ROR2: variants seen among roughly 807,000 people sequenced by gnomAD.
ROR2 encodes tyrosine-protein kinase transmembrane receptor ROR2.
Under a neutral mutation model 74.9 loss-of-function variants are expected in ROR2, and 33 were observed. The ratio of observed to expected loss-of-function variants is 0.44; its 90% confidence interval spans 0.33 to 0.59. The LOEUF is 0.59. Ranked by LOEUF, ROR2 falls within the 20% of genes least tolerant of loss-of-function variation. The pLI is 0.02. For missense variants in ROR2, 1,216 were observed against 1,313.8 expected (o/e 0.93, Z 1.15); for synonymous variants, 586 against 558.7 (o/e 1.05, Z -0.69).
Position 91,722,666 on chromosome 9 carries a change from G to A in ROR2, c.*996C>T, listed in dbSNP as rs181673474. 1.1e-4 allele frequency: 89 copies of A among 777,692 alleles called. No individual in the cohort carries two copies. Among genetic ancestry groups the A allele is most frequent in the Middle Eastern group, 2.3e-4 (1 of 4,440 alleles). The allele number at this position is 777,692 out of a possible 1,614,324, so 48.2% of individuals were successfully genotyped here. A position where few individuals can be genotyped will look rare whatever the true frequency, so the allele number is the denominator to read the frequency against. On this transcript the variant is annotated 3_prime_UTR_variant, in exon 9 of 9. Transcript: ENST00000375708. ...TACAAATAGGACCAACAATGTGTGC[G>A]GGGCACAGACGGCTGCCTGTGGGTC...
chr9:91,799,429 C>T lies in ROR2; in HGVS notation c.98-23611G>A, dbSNP rs1160041591. ...TCCAGCCCACCTTACATTCTCCCTG[C>T]GGGCTCTCAGCACGGAGGTGGCCAG... On this transcript the variant is annotated intron_variant, in intron 1 of 8. Coordinates refer to ENST00000375708, the MANE Select transcript of ROR2 (RefSeq NM_004560.4). 2.6e-5 allele frequency among the ~76,000 whole-genome samples: 4 copies of T among 152,298 alleles called. No homozygotes were observed. The East Asian group carries it at 5.8e-4, about 22-fold the overall frequency.
intron 1 of ROR2, among the ~76,000 whole-genome samples, chr9:91,902,478 C>A (rs1055714004): frequency 1.3e-5 from 2 of 152,042 alleles, no homozygotes; most frequent in Non-Finnish European, 2.9e-5. Flanking sequence ...ATCTCAAAAG[C>A]AGTTCCCGAT....
chr9:91,813,040 C>A lies in ROR2; in HGVS notation c.98-37222G>T, dbSNP rs1378669112. On this transcript the variant is annotated intron_variant, in intron 1 of 8. Transcript: ENST00000375708. Reference sequence around the variant, plus strand: ...GGCTAACCAAATGCAATCCTCCATACAAAGTTCATCATCATTGCCCACAAC... The same window carrying A: ...GGCTAACCAAATGCAATCCTCCATAAAAAGTTCATCATCATTGCCCACAAC... 4.6e-5 allele frequency among the ~76,000 whole-genome samples: 7 copies of A among 152,112 alleles called. No individual in the cohort carries two copies. The East Asian group carries it at 1.3e-3, about 29-fold the overall frequency.
intron 1 of ROR2, among the ~76,000 whole-genome samples, chr9:91,848,610 C>G (rs1377131297): frequency 6.6e-6 from 1 of 151,918 alleles, no homozygotes; most frequent in African/African-American, 2.4e-5. Context: ...CAAAATTAGC[C>G]AGGTGTGGTG....
intron 1 of ROR2, among the ~76,000 whole-genome samples, chr9:91,943,958 C>T (rs1182420992): frequency 6.6e-6 from 1 of 152,172 alleles, no homozygotes; most frequent in African/African-American, 2.4e-5. Flanking sequence ...TGTTAAAAGA[C>T]TGAAAGCTTT....
At chr9:91,894,200 C>G (rs1011429935) in intron 1 of ROR2, among the ~76,000 whole-genome samples, 1 of 152,182 alleles carries the variant, frequency 6.6e-6, no homozygotes, top group Non-Finnish European at 1.5e-5. Context: ...CTTGCTCCAG[C>G]CACGGGGCCT....
rs759984902 is a variant in ROR2 at position 91,775,735 on chromosome 9, G to A, written c.175+6C>T. The A allele has an allele frequency of 1.9e-6, 3 of 1,613,650 alleles. No homozygotes were observed. Among genetic ancestry groups the A allele is most frequent in the Non-Finnish European group, 2.5e-6 (3 of 1,179,590 alleles). ...ACATGGAGAGCACCTGCATGTCCCAGCTCACCTTTCAGAGTTGGAATCGGG... is the reference window on the plus strand; with the variant it reads ...ACATGGAGAGCACCTGCATGTCCCAACTCACCTTTCAGAGTTGGAATCGGG... On this transcript the variant is annotated splice_donor_region_variant and intron_variant, in intron 2 of 8. Coordinates refer to ENST00000375708, the MANE Select transcript of ROR2 (RefSeq NM_004560.4).
intron 2 of ROR2, among the ~76,000 whole-genome samples, chr9:91,764,391 A>AT (rs1324190993): frequency 6.6e-6 from 1 of 151,384 alleles, no homozygotes; most frequent in African/African-American, 2.4e-5. Flanking sequence ...ATTGCCTTTT[A>AT]TTTTTTCTTT....
chr9:91,729,089 T>TA (rs5899140), intron 7 of ROR2, among the ~76,000 whole-genome samples: 32,066 of 144,608 alleles, frequency 0.22, 3,700 homozygotes, highest in South Asian at 0.45. Flanking sequence ...CTACTCACTG[T>TA]AAAAAAAAAA....
At chr9:91,917,496 G>A (rs1438715953) in intron 1 of ROR2, among the ~76,000 whole-genome samples, 1 of 152,098 alleles carries the variant, frequency 6.6e-6, no homozygotes, top group Non-Finnish European at 1.5e-5. Context: ...GGCACCCCTG[G>A]GCCACACCCC....
At chr9:91,823,856 A>G (rs1828208105) in intron 1 of ROR2, among the ~76,000 whole-genome samples, 1 of 152,226 alleles carries the variant, frequency 6.6e-6, no homozygotes, top group African/African-American at 2.4e-5. Context: ...AGAGCTCCAA[A>G]TGCCCAAGGC....
At chr9:91,760,589 G>T (rs372758182) in intron 2 of ROR2, among the ~76,000 whole-genome samples, 1 of 150,708 alleles carries the variant, frequency 6.6e-6, no homozygotes, top group Non-Finnish European at 1.5e-5. Flanking sequence ...AGCCGAGATC[G>T]CGCCACTGCA....
At position 91,726,641 on chromosome 9, in the gene ROR2, C is replaced by A. The variant is rs745922319; in HGVS notation, c.1286G>T (p.Arg429Leu). 1.2e-6 allele frequency: 2 copies of A among 1,613,952 alleles called. No homozygotes were observed. The highest frequency in any genetic ancestry group is 3.3e-5 in the Admixed American group (2 of 59,996). Reference protein sequence around the residue: ...ACLFFLVCMCRNKQKASASTP... With the variant: ...ACLFFLVCMCLNKQKASASTP... ...GGACGCAGATGCCTTCTGCTTATTC[C>A]GGCACATGCAAACCAAGAAGAAAAG... is the stretch of plus-strand genomic sequence containing the variant. The change falls in exon 8 of 9, where the codon CGG becomes CTG. Residue 429 changes from arginine to leucine, a missense_variant. By Grantham distance (102) the Arg-to-Leu change is moderately radical. Coordinates refer to ENST00000375708, the MANE Select transcript of ROR2 (RefSeq NM_004560.4).
intron 1 of ROR2, among the ~76,000 whole-genome samples, chr9:91,889,245 C>T (rs948691859): frequency 2.0e-5 from 3 of 152,152 alleles, no homozygotes; most frequent in Admixed American, 6.5e-5. Context: ...GGACCCACTC[C>T]CAAGCCCTGA....
In ROR2 at chr9:91,806,803, A is replaced by C. The variant is rs189200771; in HGVS notation, c.98-30985T>G. 8.8e-3 allele frequency among the ~76,000 whole-genome samples: 1,339 copies of C among 152,166 alleles called. 26 individuals are homozygous for C. The highest frequency in any genetic ancestry group is 0.031 in the African/African-American group (1,269 of 41,522). On this transcript the variant is annotated intron_variant, in intron 1 of 8. Transcript: ENST00000375708. ...ACGGGGTTTCACCGTGTTAGCCAGG[A>C]TGGTCTCGATCTCCTGACCTTGTGA...
intron 1 of ROR2, among the ~76,000 whole-genome samples, chr9:91,789,617 T>C (rs1343926897): frequency 6.6e-6 from 1 of 152,176 alleles, no homozygotes; most frequent in African/African-American, 2.4e-5. Context: ...AAAATTAAGT[T>C]AGTACTAATC....
At chr9:91,922,921 G>A (rs1278856685) in intron 1 of ROR2, among the ~76,000 whole-genome samples, 1 of 151,808 alleles carries the variant, frequency 6.6e-6, no homozygotes, top group Non-Finnish European at 1.5e-5. Context: ...GGGGCAGCCT[G>A]CCTCTCAAAG....
At chr9:91,745,075 G>A (rs1564246548) in intron 4 of ROR2, among the ~76,000 whole-genome samples, 1 of 152,080 alleles carries the variant, frequency 6.6e-6, no homozygotes, top group South Asian at 2.1e-4. Context: ...TTGTTGAAAT[G>A]CAAATATCCT....
At chr9:91,908,928 T>C (rs1033220807) in intron 1 of ROR2, among the ~76,000 whole-genome samples, 2 of 152,074 alleles carry the variant, frequency 1.3e-5, no homozygotes, top group Non-Finnish European at 2.9e-5. Flanking sequence ...GAGTTTCCCT[T>C]CCATCACCCC....
Sources: allele counts gnomAD v4.1 joint callset (sites outside exome capture counted in the v4.1 genomes callset), GRCh38; gene constraint gnomAD v4.1.1; transcripts MANE v1.5; gene names NCBI Gene and HGNC (gene_info 2026-07-23, HGNC 2026-07-21).